Variants in SH3GL1 observed in about 807,000 individuals in gnomAD.
The protein encoded by SH3GL1 is endophilin-A2.
Under a neutral mutation model 48.8 loss-of-function variants are expected in SH3GL1, and 21 were observed. That is an observed-to-expected ratio of 0.43 (90% CI 0.30 to 0.62). The LOEUF (loss-of-function observed/expected upper bound fraction) is 0.62. Among genes scored for constraint, SH3GL1 ranks in the 20% least tolerant of loss-of-function variants. The pLI, the probability that SH3GL1 is intolerant of heterozygous loss-of-function variation, is 0.11. For missense variants in SH3GL1, 454 were observed against 503.0 expected, an observed-to-expected ratio of 0.90 and a Z score of 0.93; for synonymous variants, 282 against 217.5, an observed-to-expected ratio of 1.30 and a Z score of -2.61.
At position 4,365,598 on chromosome 19, in the gene SH3GL1, T is replaced by C. The variant is rs1478389740; in HGVS notation, c.215A>G (p.Asn72Ser). 3.1e-6 allele frequency: 5 copies of C among 1,614,064 alleles called. No individual in the cohort carries two copies. The highest frequency in any genetic ancestry group is 1.1e-5 in the South Asian group (1 of 91,096). Residue 72 changes from asparagine to serine, a missense_variant, in exon 4 of 10, where the codon AAC (asparagine) becomes AGC (serine). Physicochemically the swap from Asn to Ser is conservative, Grantham distance 46. This residue lies in a region of SH3GL1 where 176 missense variants were observed against 256.2 expected (regional missense o/e 0.69). Coordinates refer to ENST00000269886, the MANE Select transcript of SH3GL1 (RefSeq NM_003025.4). The stretch of plus-strand genomic sequence containing the variant: ...CTGGCCCCGGATCTTGGACACCGTG[T>C]TGAGCATGGTCAGCTTAGCCCGCGA... ...PASRAKLTML[N>S]TVSKIRGQVK...
rs369815163 is a variant in SH3GL1 at position 4,362,310 on chromosome 19, C to T, written c.910+19G>A. ...CGAGAAGGCAGCACTGAGGTCGAGGCGGGCCTGGGAACACTCACGCATGCT... is the reference window on the plus strand; with the variant it reads ...CGAGAAGGCAGCACTGAGGTCGAGGTGGGCCTGGGAACACTCACGCATGCT... On this transcript the variant is annotated intron_variant, in intron 9 of 9. Coordinates refer to ENST00000269886, the MANE Select transcript of SH3GL1 (RefSeq NM_003025.4). 5.0e-5 allele frequency: 80 copies of T among 1,608,130 alleles called. No individual in the cohort carries two copies. Among genetic ancestry groups the T allele is most frequent in the Non-Finnish European group, 5.9e-5 (70 of 1,176,858 alleles).
Position 4,400,413 on chromosome 19 carries a change from C to T in SH3GL1, c.-45G>A. On this transcript the variant is annotated 5_prime_UTR_variant, in exon 1 of 10. Transcript: ENST00000269886. This position sits in a 1 kb window ranked among gnomAD's most constrained non-coding sequence, Gnocchi z 4.1. ...CCTCCCGCCCGGACCGCGCCAGCGA[C>T]AGGCTCCCGGGCGCCGCCGACCCTC... The T allele has an allele frequency of 1.9e-6, 3 of 1,540,822 alleles. No homozygotes were observed. Among genetic ancestry groups the T allele is most frequent in the South Asian group, 1.2e-5 (1 of 84,004 alleles).
chr19:4,367,035 A>G lies in SH3GL1; in HGVS notation c.46-41T>C. 1 of 1,588,648 alleles carries G rather than the reference A, an allele frequency of 6.3e-7. No homozygotes were observed. Among genetic ancestry groups the G allele is most frequent in the East Asian group, 2.2e-5 (1 of 44,726 alleles). On this transcript the variant is annotated intron_variant, in intron 1 of 9. Transcript: ENST00000269886. This position sits in a 1 kb window ranked among gnomAD's most constrained non-coding sequence, Gnocchi z 4.2. ...GGGGAAACGCTGTGAGCCCAGGGGT[A>G]GGAGGAAGAAGAGGACAGGAGGCCC...
chr19:4,378,023 C>T (rs1432012655), intron 1 of SH3GL1, among the ~76,000 whole-genome samples: 1 of 152,198 alleles, frequency 6.6e-6, no homozygotes, highest in African/African-American at 2.4e-5. Flanking sequence ...TCGTCGCCAA[C>T]CCACCCCAAG....
chr19:4,366,778 G>T, intron 2 of SH3GL1, 148 bp downstream of exon 2: 1 of 934,110 alleles, frequency 1.1e-6, no homozygotes, highest in Non-Finnish European at 1.8e-6. Context: ...CAGCTGACGA[G>T]GCCCCCACAC....
chr19:4,366,616 G>A (rs768088200), intron 2 of SH3GL1, 43 bp from the exon 3 acceptor site: 4 of 1,565,362 alleles, frequency 2.6e-6, no homozygotes, highest in South Asian at 1.1e-5. Flanking sequence ...GCCAGTGGGG[G>A]CCCAAGGCAC....
intron 1 of SH3GL1, among the ~76,000 whole-genome samples, chr19:4,378,317 T>C (rs2144893459): frequency 6.6e-6 from 1 of 151,962 alleles, no homozygotes; most frequent in Non-Finnish European, 1.5e-5. Context: ...GGACTGGATG[T>C]GGTTCCAGCT....
rs987139102 is a variant in SH3GL1, at chr19:4,361,193, C to T, written c.*407G>A. On this transcript the variant is annotated 3_prime_UTR_variant, in exon 10 of 10. Coordinates refer to ENST00000269886, the MANE Select transcript of SH3GL1 (RefSeq NM_003025.4). ...CCTCGATCCCATCCTGTTAAGGCTG[C>T]GGGACTCGAGGGTAGGCAGTGGGCC... 1.0e-5 allele frequency: 3 copies of T among 294,090 alleles called. No individual in the cohort carries two copies. The highest frequency in any genetic ancestry group is 1.9e-5 in the Non-Finnish European group (3 of 155,772). 18.2% of individuals were successfully genotyped at this position (294,090 alleles called of 1,614,324 possible). A position where few individuals can be genotyped will look rare whatever the true frequency, so the allele number is the denominator to read the frequency against.
In SH3GL1 at chr19:4,362,323, A is replaced by G. The variant is rs781509193; in HGVS notation, c.910+6T>C. The G allele has an allele frequency of 3.7e-6, 6 of 1,610,416 alleles. No homozygotes were observed. The highest frequency in any genetic ancestry group is 1.1e-5 in the South Asian group (1 of 90,474). Reference sequence around the variant, plus strand: ...CTGAGGTCGAGGCGGGCCTGGGAACACTCACGCATGCTCCGGCTAGGGGTC... The same window carrying G: ...CTGAGGTCGAGGCGGGCCTGGGAACGCTCACGCATGCTCCGGCTAGGGGTC... On this transcript the variant is annotated splice_donor_region_variant and intron_variant, in intron 9 of 9. Coordinates refer to ENST00000269886, the MANE Select transcript of SH3GL1 (RefSeq NM_003025.4).
At chr19:4,366,604 C>T in intron 2 of SH3GL1, 31 bp from the exon 3 acceptor site, 1 of 1,596,946 alleles carries the variant, frequency 6.3e-7, no homozygotes, top group East Asian at 2.2e-5. Context: ...TAAGACTCCA[C>T]AGCCAGTGGG....
intron 1 of SH3GL1, among the ~76,000 whole-genome samples, chr19:4,387,761 G>A (rs148310561): frequency 6.6e-6 from 1 of 152,142 alleles, no homozygotes; most frequent in East Asian, 1.9e-4. Flanking sequence ...TTGGCTCAAG[G>A]CAACCTTCAC....
chr19:4,393,319 T>C (rs555693370), intron 1 of SH3GL1, among the ~76,000 whole-genome samples: 9 of 149,934 alleles, frequency 6.0e-5, no homozygotes, highest in African/African-American at 1.2e-4. Flanking sequence ...CCATCATAAA[T>C]AAACTAAAAA....
intron 1 of SH3GL1, among the ~76,000 whole-genome samples, chr19:4,384,379 G>A (rs751140127): frequency 1.3e-5 from 2 of 152,208 alleles, no homozygotes; most frequent in African/African-American, 4.8e-5. Flanking sequence ...CACACTTTAC[G>A]AGTGCGCAAC....
Position 4,360,866 on chromosome 19 carries a change from TG to T in SH3GL1, c.*733del. ...TGACACAGGCCTCCCTGGGTTGGGA[TG>T]GGGGCAGTTAAAAAGCTGAAAAGGT... On this transcript the variant is annotated 3_prime_UTR_variant, in exon 10 of 10. Coordinates refer to ENST00000269886, the MANE Select transcript of SH3GL1 (RefSeq NM_003025.4). 4.3e-6 allele frequency: 1 copy of T among 233,590 alleles called. No homozygotes were observed. Among genetic ancestry groups the T allele is most frequent in the East Asian group, 6.0e-5 (1 of 16,580 alleles). 14.5% of individuals were successfully genotyped at this position (233,590 alleles called of 1,614,324 possible).
chr19:4,383,032 C>A (rs1973167170), intron 1 of SH3GL1, among the ~76,000 whole-genome samples: 1 of 152,154 alleles, frequency 6.6e-6, no homozygotes, highest in Non-Finnish European at 1.5e-5. Context: ...GAGTCTCCAG[C>A]CTCAGGCTTC....
Position 4,361,753 on chromosome 19 carries a change from C to T in SH3GL1, c.954G>A (p.Glu318=). The T allele has an allele frequency of 6.2e-7, 1 of 1,612,306 alleles. No homozygotes were observed. The highest frequency in any genetic ancestry group is 8.5e-7 in the Non-Finnish European group (1 of 1,179,860). The change falls in exon 10 of 10, where the codon GAG becomes GAA. Residue 318 remains glutamate (E), a synonymous_variant. Coordinates refer to ENST00000269886, the MANE Select transcript of SH3GL1 (RefSeq NM_003025.4). Reference sequence around the variant, plus strand: ...AGCCCAGCTCCCCGTCGTTCTCGGGCTCGAAGTCGTACAGCGCCTTGCAGC... The same window carrying T: ...AGCCCAGCTCCCCGTCGTTCTCGGGTTCGAAGTCGTACAGCGCCTTGCAGC... ...QPSCKALYDF[E]PENDGELGFH...
At chr19:4,384,766 C>T (rs1278115724) in intron 1 of SH3GL1, among the ~76,000 whole-genome samples, 1 of 152,174 alleles carries the variant, frequency 6.6e-6, no homozygotes, top group Non-Finnish European at 1.5e-5. Flanking sequence ...GCGAGTGGAG[C>T]CTCGTGTGTC....
rs1209392008 is a variant in SH3GL1 at position 4,382,286 on chromosome 19, C to T, written c.46-15292G>A. ...TTTTTTTTTTTTTTTGAGACGGAGT[C>T]TCGCTCTGTCACCCAGGCTGGAGTG... On this transcript the variant is annotated intron_variant, in intron 1 of 9. Transcript: ENST00000269886. Among the ~76,000 whole-genome samples the T allele has an allele frequency of 6.1e-5, 7 of 114,242 alleles. No homozygotes were observed. The East Asian group carries it at 1.9e-3, about 31-fold the overall frequency. 74.9% of individuals were successfully genotyped at this position (114,242 alleles called of 152,430 possible). A position where few individuals can be genotyped will look rare whatever the true frequency, so the allele number is the denominator to read the frequency against.
chr19:4,363,288 A>G lies in SH3GL1; in HGVS notation c.728+82T>C, dbSNP rs1972674534. On this transcript the variant is annotated intron_variant, in intron 7 of 9. Transcript: ENST00000269886. Reference sequence around the variant, plus strand: ...TGCTGCTCTGCCATGTGCTCACCCCACAGCGAGGTGTGCTGCCCACTTGCG... The same window carrying G: ...TGCTGCTCTGCCATGTGCTCACCCCGCAGCGAGGTGTGCTGCCCACTTGCG... 2.8e-6 allele frequency: 3 copies of G among 1,062,288 alleles called. No individual in the cohort carries two copies. In the South Asian group the frequency reaches 4.2e-5, roughly 15 times the overall value. 65.8% of individuals were successfully genotyped at this position (1,062,288 alleles called of 1,614,324 possible).
Sources: gnomAD v4.1 joint callset for allele counts (sites outside exome capture counted in the v4.1 genomes callset) on GRCh38, gnomAD v4.1.1 for gene constraint, gnomAD v4.1.1 regional missense constraint, Gnocchi (gnomAD v3.1) non-coding constraint, MANE v1.5 for transcripts, NCBI Gene and HGNC (gene_info 2026-07-23, HGNC 2026-07-21) for gene names.